The following PTN variants were observed in gnomAD, a reference collection of about 807,000 sequenced individuals.
PTN encodes the protein heparin affin regulatory protein.
Under a neutral mutation model 24.1 loss-of-function variants are expected in PTN, and 18 were observed. The ratio of observed to expected loss-of-function variants is 0.75; its 90% CI spans 0.52 to 1.11. The LOEUF (loss-of-function observed/expected upper bound fraction) is 1.11, where lower values mean the gene tolerates loss of function less well. Among genes scored for constraint, PTN ranks in the 50% least tolerant of loss-of-function variants. The pLI, the probability that PTN is intolerant of heterozygous loss-of-function variation, is 0.00. For missense variants in PTN, 163 were observed against 198.8 expected, an observed-to-expected ratio of 0.82 and a Z score of 1.08; for synonymous variants, 78 against 68.6, an observed-to-expected ratio of 1.14 and a Z score of -0.67.
At chr7:137,285,126 G>A (rs1809533194) in intron 1 of PTN, among the ~76,000 whole-genome samples, 1 of 152,156 alleles carries the variant, frequency 6.6e-6, no homozygotes, top group African/African-American at 2.4e-5. Flanking sequence ...TTCCATTTTG[G>A]AGAAGCTCAA....
chr7:137,232,346 C>A (rs1231865861), intron 4 of PTN, among the ~76,000 whole-genome samples: 3 of 151,938 alleles, frequency 2.0e-5, no homozygotes, highest in Non-Finnish European at 2.9e-5. Flanking sequence ...GGTTTTCAAA[C>A]TTTCATCCTT....
chr7:137,252,382 G>T (rs996232912), intron 3 of PTN, among the ~76,000 whole-genome samples: 1 of 151,760 alleles, frequency 6.6e-6, no homozygotes, highest in African/African-American at 2.4e-5. Context: ...TTATTGAACT[G>T]TTAGGTTTTG....
At chr7:137,302,339 A>G (rs1482008382) in intron 1 of PTN, among the ~76,000 whole-genome samples, 1 of 152,028 alleles carries the variant, frequency 6.6e-6, no homozygotes, top group African/African-American at 2.4e-5. Context: ...AAGTTGCATG[A>G]ACCTTGTCAG....
chr7:137,282,508 CTCA>C (rs1809489123), intron 1 of PTN, among the ~76,000 whole-genome samples: 1 of 152,108 alleles, frequency 6.6e-6, no homozygotes. Flanking sequence ...AACTTGCTCC[CTCA>C]TCATGTCCAA....
chr7:137,243,202 T>C (rs1808662569), intron 4 of PTN, among the ~76,000 whole-genome samples: 1 of 152,212 alleles, frequency 6.6e-6, no homozygotes, highest in Non-Finnish European at 1.5e-5. Flanking sequence ...CCCAAAGTGC[T>C]GGGATTACAG....
intron 1 of PTN, among the ~76,000 whole-genome samples, chr7:137,330,724 A>G (rs1362899766): frequency 6.6e-6 from 1 of 152,182 alleles, no homozygotes; most frequent in Admixed American, 6.5e-5. Flanking sequence ...AACAGCAGAT[A>G]TTGCTTTGTC....
At chr7:137,337,940 T>G (rs2128883836) in intron 1 of PTN, among the ~76,000 whole-genome samples, 1 of 152,306 alleles carries the variant, frequency 6.6e-6, no homozygotes, top group African/African-American at 2.4e-5. Flanking sequence ...TCAATGGTTC[T>G]ATGCTAAATA....
At chr7:137,319,711 G>A (rs1394571091) in intron 1 of PTN, among the ~76,000 whole-genome samples, 2 of 152,214 alleles carry the variant, frequency 1.3e-5, no homozygotes, top group Non-Finnish European at 2.9e-5. Flanking sequence ...AAACTGCCAA[G>A]GCTTGGAGAC....
At chr7:137,233,542 A>G (rs746696007) in intron 4 of PTN, among the ~76,000 whole-genome samples, 12 of 152,022 alleles carry the variant, frequency 7.9e-5, no homozygotes, top group Non-Finnish European at 1.6e-4. Flanking sequence ...AGCTGACATT[A>G]CAAACAACAC....
chr7:137,339,478 C>A, intron 1 of PTN, among the ~76,000 whole-genome samples: 1 of 148,600 alleles, frequency 6.7e-6, no homozygotes, highest in Admixed American at 6.8e-5. Flanking sequence ...CCAGCTGCGC[C>A]TCTACATTGA....
At chr7:137,311,443 A>G (rs566052487) in intron 1 of PTN, among the ~76,000 whole-genome samples, 3 of 152,230 alleles carry the variant, frequency 2.0e-5, no homozygotes, top group African/African-American at 7.2e-5. Flanking sequence ...TGCATTCACA[A>G]TTTGGCTGTT....
chr7:137,279,090 A>C (rs916385277), intron 1 of PTN, among the ~76,000 whole-genome samples: 3 of 151,716 alleles, frequency 2.0e-5, no homozygotes, highest in African/African-American at 7.2e-5. Context: ...ACCTGATACC[A>C]AAACCTGAAA....
At chr7:137,230,909 GT>G (rs1320417409) in intron 4 of PTN, among the ~76,000 whole-genome samples, 2 of 151,732 alleles carry the variant, frequency 1.3e-5, no homozygotes, top group Non-Finnish European at 2.9e-5. Flanking sequence ...CTCTTTGTCT[GT>G]TTTTCTCTCT....
intron 4 of PTN, among the ~76,000 whole-genome samples, chr7:137,244,636 T>G (rs576996827): frequency 2.6e-5 from 4 of 151,264 alleles, no homozygotes; most frequent in East Asian, 2.0e-4. Flanking sequence ...CGATGTTTGG[T>G]TTTTTTTGTC....
At chr7:137,313,791 G>A (rs1810023823) in intron 1 of PTN, among the ~76,000 whole-genome samples, 1 of 152,170 alleles carries the variant, frequency 6.6e-6, no homozygotes, top group South Asian at 2.1e-4. Context: ...ATGTACTACA[G>A]ATATCCTATC....
intron 1 of PTN, among the ~76,000 whole-genome samples, chr7:137,301,584 A>AC (rs386411444): frequency 4.0e-5 from 6 of 151,502 alleles, no homozygotes; most frequent in African/African-American, 1.5e-4. Context: ...TAAAAAAAAA[A>AC]ATGTATAGCA....
intron 1 of PTN, among the ~76,000 whole-genome samples, chr7:137,278,615 A>G (rs545963494): frequency 6.6e-6 from 1 of 152,132 alleles, no homozygotes; most frequent in Non-Finnish European, 1.5e-5. Flanking sequence ...ACAATACCAA[A>G]TGGATTTGCA....
At chr7:137,282,687 G>A (rs903925698) in intron 1 of PTN, among the ~76,000 whole-genome samples, 2 of 152,136 alleles carry the variant, frequency 1.3e-5, no homozygotes. Flanking sequence ...CATTAATAAA[G>A]TATGACATTT....
At position 137,227,794 on chromosome 7, in the gene PTN, G is replaced by A; in HGVS notation, c.*226C>T. 2.7e-6 allele frequency: 1 copy of A among 373,534 alleles called. No homozygotes were observed. 23.1% of individuals were successfully genotyped at this position (373,534 alleles called of 1,614,324 possible). ...GTCTATCATTTATCATGTACTATAAGTCAACTTCCTAAATAAGATTACAGT... is the reference window on the plus strand; with the variant it reads ...GTCTATCATTTATCATGTACTATAAATCAACTTCCTAAATAAGATTACAGT... On this transcript the variant is annotated 3_prime_UTR_variant, in exon 5 of 5. Transcript: ENST00000348225.
Sources: allele counts gnomAD v4.1 joint callset (sites outside exome capture counted in the v4.1 genomes callset), GRCh38; gene constraint gnomAD v4.1.1; transcripts MANE v1.5; gene names NCBI Gene and HGNC (gene_info 2026-07-23, HGNC 2026-07-21).